The following TMEM117 variants were observed in gnomAD, a reference collection of about 807,000 sequenced individuals.
TMEM117 encodes transmembrane protein 117.
A neutral mutation model predicts 52.4 loss-of-function variants in TMEM117; 27 were observed. The observed-to-expected ratio is 0.51, with a 90% CI of 0.38 to 0.71. The LOEUF (loss-of-function observed/expected upper bound fraction) is 0.71. TMEM117 is among the 30% of genes least tolerant of loss of function. The pLI is 0.00. For missense variants in TMEM117, 556 were observed against 630.5 expected (o/e 0.88, Z 1.26); for synonymous variants, 215 against 206.3 (o/e 1.04, Z -0.36).
intron 5 of TMEM117, among the ~76,000 whole-genome samples, chr12:44,220,560 G>T (rs1030332170): frequency 7.9e-5 from 12 of 152,240 alleles, no homozygotes; most frequent in African/African-American, 2.6e-4. Flanking sequence ...AGAGAGCTTA[G>T]ATAGAATAAT....
intron 6 of TMEM117, among the ~76,000 whole-genome samples, chr12:44,311,522 G>C (rs79155651): frequency 0.028 from 4,219 of 151,866 alleles, 98 homozygotes; most frequent in African/African-American, 0.055. Context: ...GAACCTAGGT[G>C]AGTATTCCTG....
intron 2 of TMEM117, among the ~76,000 whole-genome samples, chr12:43,925,714 T>TC (rs1944768222): frequency 6.6e-6 from 1 of 152,044 alleles, no homozygotes. Context: ...AATGTTACCT[T>TC]TTCTACCTAT....
chr12:43,845,032 G>A, intron 2 of TMEM117, 104 bp downstream of exon 2: 1 of 1,348,380 alleles, frequency 7.4e-7, no homozygotes, highest in Non-Finnish European at 1.0e-6. Flanking sequence ...AGGCATTTTA[G>A]TTTGTCCTCC....
chr12:43,798,262 C>A, the TMEM117 span, among the ~76,000 whole-genome samples: 1 of 152,026 alleles, frequency 6.6e-6, no homozygotes, highest in Non-Finnish European at 1.5e-5. Flanking sequence ...GAAAGGAGTA[C>A]AAACAGTGTA....
chr12:44,297,829 C>T (rs1050400389), intron 5 of TMEM117, among the ~76,000 whole-genome samples: 10 of 152,066 alleles, frequency 6.6e-5, no homozygotes, highest in Non-Finnish European at 1.2e-4. Flanking sequence ...TCCCACTATT[C>T]TTATTACATA....
intron 5 of TMEM117, among the ~76,000 whole-genome samples, chr12:44,214,330 T>G (rs970570413): frequency 3.3e-5 from 5 of 151,484 alleles, no homozygotes; most frequent in Admixed American, 6.6e-5. Flanking sequence ...TGTTGTTGTT[T>G]TTTGTTTTTG....
intron 6 of TMEM117, among the ~76,000 whole-genome samples, chr12:44,314,930 G>A (rs1435021062): frequency 6.6e-6 from 1 of 152,072 alleles, no homozygotes; most frequent in Non-Finnish European, 1.5e-5. Flanking sequence ...ATTCAATTTT[G>A]TAACTGGGTA....
chr12:44,372,394 TA>T (rs1951876308), intron 6 of TMEM117, among the ~76,000 whole-genome samples: 1 of 152,114 alleles, frequency 6.6e-6, no homozygotes, highest in Non-Finnish European at 1.5e-5. Context: ...AATCTGTATA[TA>T]AAACTGGCTA....
At chr12:44,350,551 A>G (rs1291255683) in intron 6 of TMEM117, among the ~76,000 whole-genome samples, 1 of 151,664 alleles carries the variant, frequency 6.6e-6, no homozygotes, top group Non-Finnish European at 1.5e-5. Context: ...CCGTTCTTCT[A>G]CTCTCTATCT....
chr12:44,296,214 G>A lies in TMEM117; in HGVS notation c.609-3366G>A, dbSNP rs149720780. Among the ~76,000 whole-genome samples, 287 of 152,284 alleles carry A rather than the reference G, an allele frequency of 1.9e-3. 1 individual carries two copies. Among genetic ancestry groups the A allele is most frequent in the African/African-American group, 5.6e-3 (233 of 41,558 alleles). On this transcript the variant is annotated intron_variant, in intron 5 of 7. Coordinates refer to ENST00000266534, the MANE Select transcript of TMEM117 (RefSeq NM_032256.3). ...TCCACAGATGGTAGGCCTATTACCAGGTATACTATTCGGTGTCTTTCTCTC... is the reference window on the plus strand; with the variant it reads ...TCCACAGATGGTAGGCCTATTACCAAGTATACTATTCGGTGTCTTTCTCTC...
chr12:44,107,582 A>G (rs1338398732), intron 3 of TMEM117, among the ~76,000 whole-genome samples: 1 of 152,144 alleles, frequency 6.6e-6, no homozygotes, highest in South Asian at 2.1e-4. Flanking sequence ...AAAAATTAAC[A>G]TATAGTAATG....
At chr12:43,842,316 C>T (rs1727295728) in intron 1 of TMEM117, among the ~76,000 whole-genome samples, 1 of 152,146 alleles carries the variant, frequency 6.6e-6, no homozygotes, top group Non-Finnish European at 1.5e-5. Context: ...AGGTAGTCAC[C>T]ATTCCTAGGT....
At chr12:44,105,919 G>A (rs1417101150) in intron 3 of TMEM117, among the ~76,000 whole-genome samples, 1 of 152,018 alleles carries the variant, frequency 6.6e-6, no homozygotes, top group Admixed American at 6.6e-5. Context: ...TGAGAACCTG[G>A]TAGAGTTCCA....
chr12:44,311,869 A>ATATATGTATATATATG (rs1339231056), intron 6 of TMEM117, among the ~76,000 whole-genome samples: 2 of 70,236 alleles, frequency 2.8e-5, no homozygotes, highest in African/African-American at 1.2e-4. Flanking sequence ...ATATATATGT[A>ATATATGTATATATATG]TATATATGTA....
chr12:44,298,143 G>A (rs942060712), intron 5 of TMEM117, among the ~76,000 whole-genome samples: 13 of 150,520 alleles, frequency 8.6e-5, no homozygotes, highest in Middle Eastern at 3.4e-3. Context: ...AGTATAACTT[G>A]CCTCAAATAA....
intron 1 of TMEM117, among the ~76,000 whole-genome samples, chr12:43,840,303 C>CT (rs1342059098): frequency 1.3e-5 from 2 of 152,122 alleles, no homozygotes; most frequent in African/African-American, 2.4e-5. Context: ...ATAATATTTT[C>CT]TTCATTGGGT....
chr12:44,338,363 A>G (rs1237821203), intron 6 of TMEM117, among the ~76,000 whole-genome samples: 1 of 152,106 alleles, frequency 6.6e-6, no homozygotes, highest in East Asian at 1.9e-4. Context: ...TGTTTTAAAT[A>G]AATTATATAA....
intron 5 of TMEM117, among the ~76,000 whole-genome samples, chr12:44,214,593 G>C (rs1164053879): frequency 6.6e-6 from 1 of 151,408 alleles, no homozygotes; most frequent in East Asian, 1.9e-4. Flanking sequence ...CTTAAATAGA[G>C]AGCAACTAAA....
chr12:43,807,800 A>G, the TMEM117 span, among the ~76,000 whole-genome samples: 1 of 152,188 alleles, frequency 6.6e-6, no homozygotes, highest in Non-Finnish European at 1.5e-5. Context: ...TTTGACTTAA[A>G]AGCTGCAAGC....
Sources: gnomAD v4.1 joint callset for allele counts (sites outside exome capture counted in the v4.1 genomes callset) on GRCh38, gnomAD v4.1.1 for gene constraint, MANE v1.5 for transcripts, NCBI Gene and HGNC (gene_info 2026-07-23, HGNC 2026-07-21) for gene names.